MARCHF1: variants seen among roughly 807,000 people sequenced by gnomAD.
MARCHF1 encodes E3 ubiquitin-protein ligase MARCHF1.
MARCHF1 carries 40 observed loss-of-function variants against 54.2 expected under a neutral mutation model. The observed-to-expected ratio is 0.74, with a 90% CI of 0.57 to 0.96. The LOEUF (loss-of-function observed/expected upper bound fraction) is 0.96. MARCHF1 is among the 40% of genes least tolerant of loss of function. The probability of loss-of-function intolerance (pLI) is 0.00; values close to 1 mark genes in which losing one functional copy is unlikely to be tolerated. For synonymous variants in MARCHF1, 236 were observed against 236.3 expected, an observed-to-expected ratio of 1.00 and a Z score of 0.01; for missense variants, 586 against 656.5, an observed-to-expected ratio of 0.89 and a Z score of 1.17.
At chr4:163,918,845 C>T (rs568956969) in intron 3 of MARCHF1, among the ~76,000 whole-genome samples, 1 of 152,102 alleles carries the variant, frequency 6.6e-6, no homozygotes, top group South Asian at 2.1e-4. Flanking sequence ...AAAAATGTTT[C>T]TGCATCAATT....
rs559545402 is a variant in MARCHF1 at position 163,802,413 on chromosome 4, G to T, written c.111+51608C>A. ...AAAGTCAAACACATTTCAAAAGCCT[G>T]TAATTTACTTCATATTTTATGATTT... is the stretch of plus-strand genomic sequence containing the variant. On this transcript the variant is annotated intron_variant, in intron 4 of 9. Coordinates refer to ENST00000514618, the MANE Select transcript of MARCHF1 (RefSeq NM_001394959.1). Among the ~76,000 whole-genome samples the T allele has an allele frequency of 5.9e-5, 9 of 152,250 alleles. No individual in the cohort carries two copies. In the South Asian group the frequency reaches 8.3e-4, roughly 14 times the overall value.
In MARCHF1 at chr4:164,046,547, T is replaced by G. The variant is rs541708794; in HGVS notation, c.-247-57838A>C. ...TAATAATCATCTGTTTTACTATTAATAAAATAACTCATTAAATGCTTAATC... is the reference window on the plus strand; with the variant it reads ...TAATAATCATCTGTTTTACTATTAAGAAAATAACTCATTAAATGCTTAATC... On this transcript the variant is annotated intron_variant, in intron 2 of 9. Transcript: ENST00000514618. 2.6e-5 allele frequency among the ~76,000 whole-genome samples: 4 copies of G among 152,356 alleles called. No individual in the cohort carries two copies. The East Asian group carries it at 5.8e-4, about 22-fold the overall frequency.
At chr4:164,175,960 C>T (rs892483151) in intron 1 of MARCHF1, among the ~76,000 whole-genome samples, 1 of 152,170 alleles carries the variant, frequency 6.6e-6, no homozygotes, top group African/African-American at 2.4e-5. Context: ...TAACCTAGCA[C>T]TATTCCTAAA....
At chr4:164,203,556 A>T (rs923357080) in intron 1 of MARCHF1, among the ~76,000 whole-genome samples, 11 of 152,166 alleles carry the variant, frequency 7.2e-5, no homozygotes, top group African/African-American at 2.2e-4. Flanking sequence ...AAGGAGGGTA[A>T]TCTGCTTTAC....
chr4:163,838,355 T>C (rs7665681), intron 4 of MARCHF1, among the ~76,000 whole-genome samples: 86,980 of 151,788 alleles, frequency 0.57, 25,038 homozygotes, highest in South Asian at 0.61. Context: ...CCATATTTTT[T>C]AGGGAGTAAT....
At chr4:164,244,877 T>C (rs1048664054) in intron 1 of MARCHF1, among the ~76,000 whole-genome samples, 11 of 151,458 alleles carry the variant, frequency 7.3e-5, no homozygotes, top group South Asian at 2.1e-4. Flanking sequence ...ATAAATTCCT[T>C]GACACATACA....
chr4:163,860,367 A>G (rs188081092), intron 3 of MARCHF1, among the ~76,000 whole-genome samples: 2 of 152,304 alleles, frequency 1.3e-5, no homozygotes, highest in East Asian at 3.9e-4. Context: ...AGAATATCTG[A>G]GAAAGATACT....
At position 164,326,255 on chromosome 4, in the gene MARCHF1, G is replaced by C. The variant is rs560234951; in HGVS notation, c.-323+57615C>G. Among the ~76,000 whole-genome samples the C allele has an allele frequency of 2.0e-5, 3 of 152,270 alleles. No homozygotes were observed. In the South Asian group the frequency reaches 6.2e-4, roughly 32 times the overall value. On this transcript the variant is annotated intron_variant, in intron 1 of 9. Transcript: ENST00000514618. The stretch of plus-strand genomic sequence containing the variant: ...TAAATGCAATGTAAAAGCAGCATGG[G>C]TGTGGTCCCAGTTGCCAGACAATGA...
chr4:163,795,812 A>G (rs763153605), intron 4 of MARCHF1, among the ~76,000 whole-genome samples: 5 of 152,188 alleles, frequency 3.3e-5, no homozygotes, highest in Admixed American at 6.5e-5. Context: ...TGACTCCCCA[A>G]AAACTTAACA....
intron 1 of MARCHF1, among the ~76,000 whole-genome samples, chr4:164,280,190 T>C (rs1030509620): frequency 1.3e-5 from 2 of 152,024 alleles, no homozygotes; most frequent in African/African-American, 2.4e-5. Flanking sequence ...AAAGGATATA[T>C]TGTCAACTTT....
chr4:164,020,009 A>C (rs978814012), intron 2 of MARCHF1, among the ~76,000 whole-genome samples: 2 of 152,232 alleles, frequency 1.3e-5, no homozygotes, highest in East Asian at 1.9e-4. Context: ...TGTTTTTGGC[A>C]GTGGAAGCAG....
chr4:163,596,995 G>T (rs750270799), intron 7 of MARCHF1, among the ~76,000 whole-genome samples: 3 of 151,954 alleles, frequency 2.0e-5, no homozygotes, highest in Admixed American at 1.3e-4. Context: ...TTGCTCTGTC[G>T]CCTAGGCTGG....
At chr4:164,086,683 CTACTT>C (rs1442444533) in intron 2 of MARCHF1, among the ~76,000 whole-genome samples, 3 of 152,106 alleles carry the variant, frequency 2.0e-5, no homozygotes, top group African/African-American at 7.2e-5. Context: ...AAACCATACT[CTACTT>C]CATTTTAAGA....
At chr4:164,058,088 C>A (rs866517391) in intron 2 of MARCHF1, among the ~76,000 whole-genome samples, 1 of 151,884 alleles carries the variant, frequency 6.6e-6, no homozygotes, top group Admixed American at 6.6e-5. Flanking sequence ...CACATGGACA[C>A]AGGGAGGGGA....
chr4:164,140,831 T>C (rs918243453), intron 1 of MARCHF1, among the ~76,000 whole-genome samples: 6 of 152,116 alleles, frequency 3.9e-5, no homozygotes, highest in Non-Finnish European at 7.4e-5. Context: ...TAGATGCCTA[T>C]ACTCTTATCC....
At chr4:163,631,621 T>G (rs893215919) in intron 5 of MARCHF1, among the ~76,000 whole-genome samples, 6 of 151,806 alleles carry the variant, frequency 4.0e-5, no homozygotes, top group African/African-American at 1.5e-4. Flanking sequence ...AGAATAAGTT[T>G]CAGGGAATAT....
intron 2 of MARCHF1, among the ~76,000 whole-genome samples, chr4:164,049,432 T>C (rs1273120637): frequency 2.0e-5 from 3 of 151,382 alleles, no homozygotes; most frequent in South Asian, 4.2e-4. Context: ...GGGGAACAGA[T>C]ACTATAATCT....
rs559342788 is a variant in MARCHF1 at position 164,081,016 on chromosome 4, G to A, written c.-248+30572C>T. Among the ~76,000 whole-genome samples, 1,101 of 149,674 alleles carry A rather than the reference G, an allele frequency of 7.4e-3. 1 individual carries two copies. Among genetic ancestry groups the A allele is most frequent in the Non-Finnish European group, 0.012 (828 of 67,442 alleles). On this transcript the variant is annotated intron_variant, in intron 2 of 9. Transcript: ENST00000514618. ...GAGGTCAGGAGATCGAGACCATCCT[G>A]GCTAACACAGTGAAACCCCGTGTCT...
intron 4 of MARCHF1, among the ~76,000 whole-genome samples, chr4:163,730,896 C>G (rs1041619620): frequency 6.6e-6 from 1 of 152,152 alleles, no homozygotes; most frequent in African/African-American, 2.4e-5. Flanking sequence ...ATGTCATCCC[C>G]TATTTTCACT....
Sources: allele counts gnomAD v4.1 joint callset (sites outside exome capture counted in the v4.1 genomes callset), GRCh38; gene constraint gnomAD v4.1.1; transcripts MANE v1.5; gene names NCBI Gene and HGNC (gene_info 2026-07-23, HGNC 2026-07-21).